The following WDR64 variants were observed in gnomAD, a reference collection of about 807,000 sequenced individuals.
The protein encoded by WDR64 is WD repeat domain 64.
In WDR64, 112 loss-of-function variants were observed where a neutral mutation model predicts 139.3. That is an observed-to-expected ratio of 0.80 (90% CI 0.69 to 0.94). The LOEUF (loss-of-function observed/expected upper bound fraction) is 0.94. WDR64 is among the 40% of genes least tolerant of loss of function. The pLI is 0.00. For missense variants in WDR64, 1,206 were observed against 1,293.1 expected (o/e 0.93, Z 1.03); for synonymous variants, 444 against 437.7 (o/e 1.01, Z -0.18).
intron 8 of WDR64, among the ~76,000 whole-genome samples, chr1:241,705,212 G>A (rs1667885880): frequency 6.6e-6 from 1 of 152,134 alleles, no homozygotes; most frequent in Admixed American, 6.5e-5. Flanking sequence ...ACCACTACTC[G>A]CTTCCTCATG....
intron 8 of WDR64, among the ~76,000 whole-genome samples, chr1:241,701,466 CTT>C (rs1353164087): frequency 4.6e-5 from 7 of 152,216 alleles, no homozygotes; most frequent in African/African-American, 1.7e-4. Context: ...ATTGTGAACA[CTT>C]AGATTATCTA....
intron 4 of WDR64, among the ~76,000 whole-genome samples, chr1:241,677,809 ATTCATGTAAC>A (rs1345495926): frequency 1.3e-5 from 2 of 152,218 alleles, no homozygotes; most frequent in African/African-American, 4.8e-5. Context: ...TCTATTTAGC[ATTCATGTAAC>A]TACTCTTGCC....
At chr1:241,654,858 T>C (rs1361842285) in intron 1 of WDR64, among the ~76,000 whole-genome samples, 1 of 152,198 alleles carries the variant, frequency 6.6e-6, no homozygotes, top group African/African-American at 2.4e-5. Context: ...CTCCAGGCTA[T>C]ATGTATAAGG....
At chr1:241,652,969 T>C (rs1046005229) in intron 1 of WDR64, among the ~76,000 whole-genome samples, 3 of 152,218 alleles carry the variant, frequency 2.0e-5, no homozygotes, top group African/African-American at 7.2e-5. Flanking sequence ...TGCTCAGTAA[T>C]GTATAGCACT....
At chr1:241,668,915 C>T (rs1330977414) in intron 2 of WDR64, among the ~76,000 whole-genome samples, 1 of 150,754 alleles carries the variant, frequency 6.6e-6, no homozygotes, top group African/African-American at 2.4e-5. Flanking sequence ...AAAAAAAATA[C>T]CCTTAAAGAC....
intron 23 of WDR64, 39 bp from the exon 24 acceptor site, chr1:241,787,810 T>C: frequency 6.6e-7 from 1 of 1,525,066 alleles, no homozygotes; most frequent in Non-Finnish European, 8.8e-7. Flanking sequence ...GACCAAATTT[T>C]CCAGTTACTT....
chr1:241,691,544 G>T (rs1667284073), intron 8 of WDR64, among the ~76,000 whole-genome samples: 1 of 152,182 alleles, frequency 6.6e-6, no homozygotes, highest in Non-Finnish European at 1.5e-5. Flanking sequence ...AGTAGGAATA[G>T]AGGGAACATC....
intron 25 of WDR64, among the ~76,000 whole-genome samples, chr1:241,794,502 C>CTTTT (rs1659299229): frequency 3.2e-4 from 34 of 105,006 alleles, no homozygotes; most frequent in African/African-American, 5.2e-4. Context: ...TTAAGCTTTA[C>CTTTT]TGTTTTTTTT....
Position 241,749,634 on chromosome 1 carries a change from T to A in WDR64, c.1682T>A (p.Leu561Gln), listed in dbSNP as rs775690590. ...GKDWKEDEHC[L>Q]RRLIFLKAQE... ...GACTGGAAGGAGGACGAGCACTGCC[T>A]ACGACGCCTCATTTTCCTCAAAGCC... The change falls in exon 14 of 28, where the codon CTA becomes CAA. Residue 561 changes from leucine (L) to glutamine (Q), a missense_variant. Physicochemically the swap from Leu to Gln is moderately radical, Grantham distance 113. Transcript: ENST00000437684. The A allele has an allele frequency of 1.2e-6, 2 of 1,614,050 alleles. No homozygotes were observed. Among genetic ancestry groups the A allele is most frequent in the African/African-American group, 2.7e-5 (2 of 74,922 alleles).
At chr1:241,674,986 T>A in intron 4 of WDR64, among the ~76,000 whole-genome samples, 1 of 35,158 alleles carries the variant, frequency 2.8e-5, no homozygotes, top group South Asian at 1.0e-3. Context: ...CCTTCTTTCC[T>A]CCCTTTCTCC....
At chr1:241,787,799 T>C (rs2148325057) in intron 23 of WDR64, 50 bp from the exon 24 acceptor site, 1 of 1,502,094 alleles carries the variant, frequency 6.7e-7, no homozygotes, top group African/African-American at 1.4e-5. Context: ...AGAATAACTT[T>C]GACCAAATTT....
chr1:241,726,000 C>T (rs1668819459), intron 10 of WDR64, among the ~76,000 whole-genome samples: 1 of 151,998 alleles, frequency 6.6e-6, no homozygotes, highest in Non-Finnish European at 1.5e-5. Context: ...CAGGTGGGGG[C>T]CACCGTACGA....
At chr1:241,760,721 T>C (rs548243661) in intron 15 of WDR64, among the ~76,000 whole-genome samples, 3 of 148,404 alleles carry the variant, frequency 2.0e-5, no homozygotes, top group African/African-American at 7.3e-5. Context: ...ACAAAATATA[T>C]ATATACTTTA....
At position 241,735,533 on chromosome 1, in the gene WDR64, CTT is replaced by C. The variant is rs58339742; in HGVS notation, c.1195-2812_1195-2811del. ...GTTCTCTGTCTCTCTCTCTCTCTCTCTTTTTTTTTTTTTTTTTTTGATACGGA... is the reference window on the plus strand; with the variant it reads ...GTTCTCTGTCTCTCTCTCTCTCTCTCTTTTTTTTTTTTTTTTTGATACGGA... On this transcript the variant is annotated intron_variant, in intron 10 of 27. Transcript: ENST00000437684. Among the ~76,000 whole-genome samples the C allele has an allele frequency of 1.2e-3, 121 of 103,472 alleles. 1 individual carries two copies. The highest frequency in any genetic ancestry group is 3.4e-3 in the African/African-American group (90 of 26,324). The allele number at this position is 103,472 out of a possible 152,430, so 67.9% of individuals were successfully genotyped here.
At chr1:241,799,017 A>C (rs538926952) in intron 27 of WDR64, among the ~76,000 whole-genome samples, 2 of 152,078 alleles carry the variant, frequency 1.3e-5, no homozygotes, top group South Asian at 4.2e-4. Flanking sequence ...ATCATGCAAA[A>C]ATGTCTAAGT....
chr1:241,772,451 C>CTTTTTTTTTTTTTTTTTTTTTTT (rs534177884), intron 19 of WDR64, among the ~76,000 whole-genome samples: 1 of 59,020 alleles, frequency 1.7e-5, no homozygotes, highest in Non-Finnish European at 3.0e-5. Context: ...AAGATAGATC[C>CTTTTTTTTTTTTTTTTTTTTTTT]TTTTTTTTTT....
At chr1:241,661,015 CA>C (rs1308777073) in intron 2 of WDR64, among the ~76,000 whole-genome samples, 10 of 152,102 alleles carry the variant, frequency 6.6e-5, no homozygotes, top group Middle Eastern at 3.4e-3. Context: ...TCAGTGCATC[CA>C]AATTATTAAT....
At chr1:241,660,888 A>G (rs901639199) in intron 2 of WDR64, among the ~76,000 whole-genome samples, 1 of 152,200 alleles carries the variant, frequency 6.6e-6, no homozygotes, top group Admixed American at 6.5e-5. Flanking sequence ...ATCCTTTCAG[A>G]CCAAGCTGCC....
At chr1:241,652,790 A>T (rs1400714805) in intron 1 of WDR64, among the ~76,000 whole-genome samples, 161 bp downstream of exon 1, 1 of 152,220 alleles carries the variant, frequency 6.6e-6, no homozygotes, top group Admixed American at 6.5e-5. Flanking sequence ...CCTAAATAAC[A>T]AAGCGGACAT....
Sources: gnomAD v4.1 joint callset for allele counts (sites outside exome capture counted in the v4.1 genomes callset) on GRCh38, gnomAD v4.1.1 for gene constraint, MANE v1.5 for transcripts, NCBI Gene and HGNC (gene_info 2026-07-23, HGNC 2026-07-21) for gene names.